AAR2: variants seen among roughly 807,000 people sequenced by gnomAD.
The protein encoded by AAR2 is AAR2 splicing factor.
A neutral mutation model predicts 26.9 loss-of-function variants in AAR2; 31 were observed. The ratio of observed to expected loss-of-function variants is 1.15; its 90% confidence interval spans 0.86 to 1.55. AAR2 has a LOEUF of 1.55. Among genes scored for constraint, AAR2 ranks in the 40% most tolerant of loss-of-function variants. AAR2 has a pLI of 0.00. For synonymous variants in AAR2, 188 were observed against 196.1 expected (o/e 0.96, Z 0.34); for missense variants, 430 against 491.3 (o/e 0.88, Z 1.18).
rs1184662931 is a variant in AAR2, at chr20:36,239,977, A to G, written c.109A>G (p.Asn37Asp). 1 of 1,614,078 alleles carries G rather than the reference A, an allele frequency of 6.2e-7. No homozygotes were observed. The highest frequency in any genetic ancestry group is 1.3e-5 in the African/African-American group (1 of 74,910). The change falls in exon 2 of 4, where the codon AAC becomes GAC. Residue 37 changes from asparagine to aspartate, a missense_variant. Transcript: ENST00000320849. Reference protein sequence around the residue: ...PKGTEFGIDYNSWEVGPKFRG... With the variant: ...PKGTEFGIDYDSWEVGPKFRG... The stretch of plus-strand genomic sequence containing the variant: ...GGGAACAGAGTTTGGGATTGACTAT[A>G]ACTCCTGGGAGGTCGGGCCCAAGTT...
At position 36,240,319 on chromosome 20, in the gene AAR2, G is replaced by C; in HGVS notation, c.451G>C (p.Glu151Gln). 6.2e-7 allele frequency: 1 copy of C among 1,614,238 alleles called. No homozygotes were observed. Among genetic ancestry groups the C allele is most frequent in the Non-Finnish European group, 8.5e-7 (1 of 1,180,048 alleles). Reference sequence around the variant, plus strand: ...AGCCACAGTGGAGAAGCTACAGCCCGAGAATCGACAGATCTGTGCCTTTTC... The same window carrying C: ...AGCCACAGTGGAGAAGCTACAGCCCCAGAATCGACAGATCTGTGCCTTTTC... ...SEATVEKLQP[E>Q]NRQICAFSDV... The change falls in exon 2 of 4, where the codon GAG becomes CAG. Residue 151 changes from glutamate (E) to glutamine (Q), a missense_variant. Coordinates refer to ENST00000320849, the MANE Select transcript of AAR2 (RefSeq NM_001271874.2).
chr20:36,252,290 C>T (rs530617476), intron 3 of AAR2, among the ~76,000 whole-genome samples: 1 of 152,174 alleles, frequency 6.6e-6, no homozygotes, highest in Non-Finnish European at 1.5e-5. Context: ...CAAATTGAGT[C>T]TGTGGTTGTC....
chr20:36,238,261 GT>G (rs1569422575), intron 1 of AAR2, among the ~76,000 whole-genome samples: 2 of 152,032 alleles, frequency 1.3e-5, no homozygotes, highest in East Asian at 3.9e-4. Context: ...TGTTATTTTC[GT>G]TTAAAAAATA....
intron 3 of AAR2, among the ~76,000 whole-genome samples, chr20:36,251,942 C>T (rs199667949): frequency 8.5e-5 from 13 of 152,294 alleles, no homozygotes; most frequent in East Asian, 5.8e-4. Flanking sequence ...ATAGGTCATT[C>T]GGTGAGCACC....
intron 3 of AAR2, among the ~76,000 whole-genome samples, chr20:36,253,882 T>G (rs56038542): frequency 9.4e-4 from 143 of 152,330 alleles, no homozygotes; most frequent in African/African-American, 3.4e-3. Context: ...AAATCCAAAC[T>G]GCAGTAAGAT....
At chr20:36,248,493 G>A (rs553966874) in intron 3 of AAR2, among the ~76,000 whole-genome samples, 6 of 152,030 alleles carry the variant, frequency 3.9e-5, no homozygotes, top group South Asian at 2.1e-4. Flanking sequence ...GCACCACCAC[G>A]CCAACCTAAT....
At chr20:36,243,505 A>G (rs2064703982) in intron 2 of AAR2, among the ~76,000 whole-genome samples, 1 of 152,188 alleles carries the variant, frequency 6.6e-6, no homozygotes, top group South Asian at 2.1e-4. Context: ...TGTTGAGTAC[A>G]TCTCTTCTTT....
At chr20:36,245,138 C>T (rs544737408) in intron 3 of AAR2, among the ~76,000 whole-genome samples, 2 of 152,292 alleles carry the variant, frequency 1.3e-5, no homozygotes, top group East Asian at 1.9e-4. Context: ...CCCTACACCT[C>T]GTCCCCAGAG....
rs746573248 is a variant in AAR2, at chr20:36,244,909, C to G, written c.970C>G (p.Leu324Val). 3 of 1,614,018 alleles carry G rather than the reference C, an allele frequency of 1.9e-6. No individual in the cohort carries two copies. The highest frequency in any genetic ancestry group is 2.5e-6 in the Non-Finnish European group (3 of 1,179,860). ...AGACATTGTCTCCCAAGACAACTTC[C>G]TCACCAGCACCTTACAGGTGAGCAG... ...FVDIVSQDNF[L>V]TSTLQVFFSS... Residue 324 changes from leucine to valine, a missense_variant, in exon 3 of 4, where the codon CTC (leucine) becomes GTC (valine). Physicochemically the swap from Leu to Val is conservative, Grantham distance 32. Coordinates refer to ENST00000320849, the MANE Select transcript of AAR2 (RefSeq NM_001271874.2).
At position 36,255,766 on chromosome 20, in the gene AAR2, G is replaced by A; in HGVS notation, c.*21G>A. 6.2e-7 allele frequency: 1 copy of A among 1,613,504 alleles called. No homozygotes were observed. The highest frequency in any genetic ancestry group is 1.1e-5 in the South Asian group (1 of 91,040). ...GCTAACTCGGGGAGCGCTCTCAGCT[G>A]CGAGGGGCCCCTTCCCACAGGGCTG... On this transcript the variant is annotated 3_prime_UTR_variant, in exon 4 of 4. Coordinates refer to ENST00000320849, the MANE Select transcript of AAR2 (RefSeq NM_001271874.2).
chr20:36,254,170 G>A (rs2064801801), intron 3 of AAR2, among the ~76,000 whole-genome samples: 1 of 152,154 alleles, frequency 6.6e-6, no homozygotes, highest in Non-Finnish European at 1.5e-5. Flanking sequence ...ATTCACGATA[G>A]CCAGAAGGTA....
intron 3 of AAR2, among the ~76,000 whole-genome samples, chr20:36,246,113 T>C (rs571665265): frequency 2.2e-4 from 33 of 152,318 alleles, no homozygotes; most frequent in Admixed American, 9.1e-4. Context: ...AATCACTTAC[T>C]TGAAGTCATA....
At chr20:36,237,044 A>G (rs1002096307) in intron 1 of AAR2, among the ~76,000 whole-genome samples, 7 of 152,188 alleles carry the variant, frequency 4.6e-5, no homozygotes, top group Admixed American at 3.3e-4. Context: ...GGAGGTGAAT[A>G]TTGAGCTGAG....
At chr20:36,245,458 A>G (rs1366892222) in intron 3 of AAR2, among the ~76,000 whole-genome samples, 1 of 152,234 alleles carries the variant, frequency 6.6e-6, no homozygotes, top group Non-Finnish European at 1.5e-5. Context: ...AGAAGCTTCA[A>G]ACAACTTACA....
At chr20:36,240,681 T>C in intron 2 of AAR2, 56 bp downstream of exon 2, 1 of 1,557,990 alleles carries the variant, frequency 6.4e-7, no homozygotes, top group Non-Finnish European at 8.7e-7. Flanking sequence ...TTAGCAGAGG[T>C]GTTTTGGAAT....
At chr20:36,245,656 C>T (rs1316945504) in intron 3 of AAR2, among the ~76,000 whole-genome samples, 1 of 152,198 alleles carries the variant, frequency 6.6e-6, no homozygotes, top group Non-Finnish European at 1.5e-5. Context: ...CCCCATGAGG[C>T]CTGCTCCATA....
At position 36,244,887 on chromosome 20, in the gene AAR2, C is replaced by T. The variant is rs1211256998; in HGVS notation, c.948C>T (p.Asp316=). Residue 316 remains aspartate, a synonymous_variant, in exon 3 of 4, where the codon GAC becomes GAT. Transcript: ENST00000320849. ...AGATCCCCGCTGACTTCTTCGTAGA[C>T]ATTGTCTCCCAAGACAACTTCCTCA... ...LGEIPADFFV[D]IVSQDNFLTS... 25 of 1,614,206 alleles carry T rather than the reference C, an allele frequency of 1.5e-5. No homozygotes were observed. The highest frequency in any genetic ancestry group is 2.0e-5 in the Non-Finnish European group (24 of 1,180,024).
intron 2 of AAR2, among the ~76,000 whole-genome samples, chr20:36,244,465 A>T (rs1321330756): frequency 1.3e-5 from 2 of 152,210 alleles, no homozygotes; most frequent in African/African-American, 4.8e-5. Context: ...ATTTTATAGA[A>T]ATCCAAAGCC....
intron 3 of AAR2, among the ~76,000 whole-genome samples, chr20:36,245,252 C>T (rs1443238251): frequency 2.6e-5 from 4 of 152,166 alleles, no homozygotes; most frequent in Admixed American, 2.6e-4. Context: ...TGCTACAACC[C>T]AGTAAAGCAG....
Sources: allele counts gnomAD v4.1 joint callset (sites outside exome capture counted in the v4.1 genomes callset), GRCh38; gene constraint gnomAD v4.1.1; transcripts MANE v1.5; gene names NCBI Gene and HGNC (gene_info 2026-07-23, HGNC 2026-07-21).